The following GPR155 variants were observed in gnomAD, a reference collection of about 807,000 sequenced individuals.
The protein encoded by GPR155 is G protein-coupled receptor 155.
Under a neutral mutation model 93.1 loss-of-function variants are expected in GPR155, and 65 were observed. The observed-to-expected ratio is 0.70, with a 90% CI of 0.57 to 0.86. The LOEUF (loss-of-function observed/expected upper bound fraction) is 0.86, where lower values mean the gene tolerates loss of function less well. Ranked by LOEUF, GPR155 falls within the 40% of genes least tolerant of loss-of-function variation. The pLI, the probability that GPR155 is intolerant of heterozygous loss-of-function variation, is 0.00. For missense variants in GPR155, 838 were observed against 1,034.8 expected (o/e 0.81, Z 2.61); for synonymous variants, 319 against 360.1 (o/e 0.89, Z 1.29).
intron 14 of GPR155, among the ~76,000 whole-genome samples, chr2:174,440,491 C>T (rs1265808785): frequency 2.0e-5 from 3 of 151,912 alleles, no homozygotes; most frequent in Non-Finnish European, 4.4e-5. Flanking sequence ...TTTCAGCAAG[C>T]CTACACATTA....
rs1688329426 is a variant in GPR155 at position 174,481,783 on chromosome 2, T to C, written c.174A>G (p.Ile58Met). The C allele has an allele frequency of 6.2e-7, 1 of 1,614,226 alleles. No homozygotes were observed. The highest frequency in any genetic ancestry group is 8.5e-7 in the Non-Finnish European group (1 of 1,180,036). Reference sequence around the variant, plus strand: ...ATGTTATGACATTGGCCCTTCCTGCTATGTAGCCACAAAGGACAATGCCAA... The same window carrying C: ...ATGTTATGACATTGGCCCTTCCTGCCATGTAGCCACAAAGGACAATGCCAA... The part of the protein sequence containing the change: ...ECFGIVLCGY[I>M]AGRANVITST... The change falls in exon 2 of 16, where the codon ATA (isoleucine) becomes ATG (methionine). Residue 58 changes from isoleucine to methionine, a missense_variant. Ile to Met is a conservative substitution (Grantham distance 10, BLOSUM62 1). This residue lies in a region of GPR155 where 663 missense variants were observed against 790.1 expected (regional missense o/e 0.84). Transcript: ENST00000392552.
At chr2:174,451,374 AT>A (rs1267688495) in intron 11 of GPR155, among the ~76,000 whole-genome samples, 2 of 151,952 alleles carry the variant, frequency 1.3e-5, no homozygotes, top group Non-Finnish European at 2.9e-5. Context: ...ATCTTCTTTC[AT>A]TTGCTTTTTC....
chr2:174,455,012 G>A (rs1687470892), intron 10 of GPR155, among the ~76,000 whole-genome samples: 1 of 152,066 alleles, frequency 6.6e-6, no homozygotes, highest in Non-Finnish European at 1.5e-5. Context: ...CAGTATGGTG[G>A]CTATAGTCAA....
chr2:174,462,572 G>T (rs548552976), intron 7 of GPR155, among the ~76,000 whole-genome samples: 1 of 152,306 alleles, frequency 6.6e-6, no homozygotes, highest in South Asian at 2.1e-4. Context: ...GCCTCCCAAA[G>T]TTCTGGAATT....
chr2:174,460,639 C>T (rs1450159031), intron 9 of GPR155, among the ~76,000 whole-genome samples: 1 of 152,124 alleles, frequency 6.6e-6, no homozygotes, highest in Non-Finnish European at 1.5e-5. Flanking sequence ...CAATTGGTTA[C>T]CAACACAGCC....
rs907324178 is a variant in GPR155 at position 174,433,665 on chromosome 2, C to A, written c.*2451G>T. ...TGGAATTAATGTCCTTATAAGGGGCCAATGAGACCAGTTCTTCCCATCTAC... is the reference window on the plus strand; with the variant it reads ...TGGAATTAATGTCCTTATAAGGGGCAAATGAGACCAGTTCTTCCCATCTAC... On this transcript the variant is annotated 3_prime_UTR_variant, in exon 16 of 16. Coordinates refer to ENST00000392552, the MANE Select transcript of GPR155 (RefSeq NM_152529.7). The A allele has an allele frequency of 3.3e-5, 5 of 152,112 alleles. No homozygotes were observed. Among genetic ancestry groups the A allele is most frequent in the African/African-American group, 1.2e-4 (5 of 41,412 alleles). 9.4% of individuals were successfully genotyped at this position (152,112 alleles called of 1,614,324 possible). A position where few individuals can be genotyped will look rare whatever the true frequency, so the allele number is the denominator to read the frequency against.
chr2:174,443,450 G>A (rs1257546205), intron 13 of GPR155, among the ~76,000 whole-genome samples: 1 of 152,192 alleles, frequency 6.6e-6, no homozygotes, highest in Non-Finnish European at 1.5e-5. Flanking sequence ...AGTAAGGGCT[G>A]GGTGCGGTGG....
At position 174,475,294 on chromosome 2, in the gene GPR155, C is replaced by CAAAAAAAA. The variant is rs71024809; in HGVS notation, c.461-1938_461-1931dup. 4.6e-3 allele frequency among the ~76,000 whole-genome samples: 298 copies of CAAAAAAAA among 64,314 alleles called. 6 individuals are homozygous for CAAAAAAAA. Among genetic ancestry groups the CAAAAAAAA allele is most frequent in the African/African-American group, 7.3e-3 (102 of 13,886 alleles). The allele number at this position is 64,314 out of a possible 152,430, so 42.2% of individuals were successfully genotyped here. The stretch of plus-strand genomic sequence containing the variant: ...TGGGCGACAGAGCGAGACTCCGTCT[C>CAAAAAAAA]AAAAAAAAAAAAAAAAAAAAAAAAA... On this transcript the variant is annotated intron_variant, in intron 2 of 15. Coordinates refer to ENST00000392552, the MANE Select transcript of GPR155 (RefSeq NM_152529.7).
At position 174,433,050 on chromosome 2, in the gene GPR155, AC is replaced by A. The variant is rs1172334673; in HGVS notation, c.*3065del. Reference sequence around the variant, plus strand: ...AGTGCTGGGATTGCAGGTATGAACCACCGCGCCTGGCCCCCATGCAGGTTTT... The same window carrying A: ...AGTGCTGGGATTGCAGGTATGAACCACGCGCCTGGCCCCCATGCAGGTTTT... On this transcript the variant is annotated 3_prime_UTR_variant, in exon 16 of 16. Coordinates refer to ENST00000392552, the MANE Select transcript of GPR155 (RefSeq NM_152529.7). The A allele has an allele frequency of 6.6e-6, 1 of 151,906 alleles. No homozygotes were observed. The highest frequency in any genetic ancestry group is 1.5e-5 in the Non-Finnish European group (1 of 68,048). The allele number at this position is 151,906 out of a possible 1,614,324, so 9.4% of individuals were successfully genotyped here.
intron 6 of GPR155, among the ~76,000 whole-genome samples, chr2:174,466,249 G>A (rs947653839): frequency 4.6e-5 from 7 of 152,032 alleles, no homozygotes; most frequent in Admixed American, 4.6e-4. Context: ...GACATGCAAA[G>A]ATTAATTAGA....
rs1467835175 is a variant in GPR155 at position 174,481,881 on chromosome 2, G to A, written c.76C>T (p.His26Tyr). Reference protein sequence around the residue: ...MTKTLPTAVTHGFNSTNDPPS... With the variant: ...MTKTLPTAVTYGFNSTNDPPS... ...GGGTCATTAGTGGAATTAAATCCAT[G>A]CGTTACTGCTGTAGGCAAAGTCTTG... is the stretch of plus-strand genomic sequence containing the variant. The change falls in exon 2 of 16, where the codon CAT becomes TAT. Residue 26 changes from histidine to tyrosine, a missense_variant. Physicochemically the swap from His to Tyr is moderately conservative, Grantham distance 83. Coordinates refer to ENST00000392552, the MANE Select transcript of GPR155 (RefSeq NM_152529.7). 1 of 1,614,056 alleles carries A rather than the reference G, an allele frequency of 6.2e-7. No individual in the cohort carries two copies. The highest frequency in any genetic ancestry group is 1.3e-5 in the African/African-American group (1 of 75,040).
At chr2:174,441,403 T>A (rs1043629313) in intron 14 of GPR155, among the ~76,000 whole-genome samples, 10 of 151,428 alleles carry the variant, frequency 6.6e-5, no homozygotes, top group East Asian at 5.8e-4. Flanking sequence ...CAAATTAAAA[T>A]ATATATATAT....
intron 11 of GPR155, among the ~76,000 whole-genome samples, chr2:174,451,207 G>C (rs1687306595): frequency 6.6e-6 from 1 of 151,926 alleles, no homozygotes; most frequent in African/African-American, 2.4e-5. Flanking sequence ...CCAGCTACTT[G>C]GGAGCCTGAG....
chr2:174,481,350 T>C, intron 2 of GPR155, 147 bp downstream of exon 2: 1 of 571,368 alleles, frequency 1.8e-6, no homozygotes, highest in Non-Finnish European at 3.0e-6. Context: ...CTCTGAAGTT[T>C]AGGAAAAACT....
intron 11 of GPR155, among the ~76,000 whole-genome samples, chr2:174,448,278 A>G (rs1687201396): frequency 6.6e-6 from 1 of 152,160 alleles, no homozygotes; most frequent in South Asian, 2.1e-4. Flanking sequence ...TGGGAGGCTG[A>G]GGCAAGGGAA....
intron 10 of GPR155, 88 bp from the exon 11 acceptor site, chr2:174,453,929 A>C: frequency 1.2e-6 from 1 of 835,444 alleles, no homozygotes. Flanking sequence ...ACAAAACAAA[A>C]TCCACTCACA....
At chr2:174,464,318 G>C (rs1354897670) in intron 7 of GPR155, among the ~76,000 whole-genome samples, 1 of 151,940 alleles carries the variant, frequency 6.6e-6, no homozygotes, top group Non-Finnish European at 1.5e-5. Context: ...ATGAAACCTG[G>C]GATTTTACTG....
intron 1 of GPR155, chr2:174,482,943 G>T (rs968706331): frequency 6.6e-6 from 1 of 152,142 alleles, no homozygotes; most frequent in African/African-American, 2.4e-5. Context: ...TTACTTAACG[G>T]AAGTTAAATA....
At chr2:174,438,191 C>T (rs1469316966) in intron 15 of GPR155, among the ~76,000 whole-genome samples, 2 of 151,950 alleles carry the variant, frequency 1.3e-5, no homozygotes, top group East Asian at 2.0e-4. Context: ...AGTGAGATTG[C>T]GCCACTGCAC....
Sources: allele counts gnomAD v4.1 joint callset (sites outside exome capture counted in the v4.1 genomes callset), GRCh38; gene constraint gnomAD v4.1.1; regional missense constraint gnomAD v4.1.1; transcripts MANE v1.5; gene names NCBI Gene and HGNC (gene_info 2026-07-23, HGNC 2026-07-21).